The following IMMP2L variants were observed in gnomAD, a reference collection of about 807,000 sequenced individuals.
The protein encoded by IMMP2L is mitochondrial inner membrane protease subunit 2.
A neutral mutation model predicts 19.3 loss-of-function variants in IMMP2L; 18 were observed. That is an observed-to-expected ratio of 0.93 (90% confidence interval 0.64 to 1.38). The LOEUF (loss-of-function observed/expected upper bound fraction) is 1.38. IMMP2L is among the 40% of genes most tolerant of loss of function. IMMP2L has a pLI of 0.00. For synonymous variants in IMMP2L, 76 were observed against 73.0 expected (o/e 1.04, Z -0.21); for missense variants, 233 against 218.2 (o/e 1.07, Z -0.43).
chr7:110,934,556 C>T (rs1815867294), intron 4 of IMMP2L, among the ~76,000 whole-genome samples: 1 of 152,116 alleles, frequency 6.6e-6, no homozygotes, highest in Non-Finnish European at 1.5e-5. Context: ...TAGGTTTTCC[C>T]TCTTCAGATT....
intron 3 of IMMP2L, among the ~76,000 whole-genome samples, chr7:111,444,733 GATA>G (rs1838128196): frequency 6.6e-6 from 1 of 152,014 alleles, no homozygotes; most frequent in East Asian, 1.9e-4. Flanking sequence ...TAACCCTGAT[GATA>G]ATGAATATAC....
At chr7:111,535,112 G>T (rs1216697314) in intron 1 of IMMP2L, among the ~76,000 whole-genome samples, 1 of 152,040 alleles carries the variant, frequency 6.6e-6, no homozygotes, top group African/African-American at 2.4e-5. Flanking sequence ...GGTTTCAAAT[G>T]ATCTGTTCCT....
At chr7:111,276,568 C>A (rs185743831) in intron 3 of IMMP2L, among the ~76,000 whole-genome samples, 133 of 148,596 alleles carry the variant, frequency 9.0e-4, no homozygotes, top group African/African-American at 3.3e-3. Flanking sequence ...GTGATCCCAT[C>A]TGATCCTGGG....
rs1327215007 is a variant in IMMP2L, at chr7:110,870,883, A to G, written c.408+15710T>C. On this transcript the variant is annotated intron_variant, in intron 5 of 5. Coordinates refer to ENST00000405709, the MANE Select transcript of IMMP2L (RefSeq NM_032549.4). This position sits in a 1 kb window ranked among gnomAD's most constrained non-coding sequence, Gnocchi z 4.2. ...CTGAAGTGTTTCATGTAGGCTAGAG[A>G]TCGGGTTTGAGGATAACTGTAAGAT... Among the ~76,000 whole-genome samples the G allele has an allele frequency of 1.3e-5, 2 of 152,132 alleles. No individual in the cohort carries two copies. The highest frequency in any genetic ancestry group is 2.9e-5 in the Non-Finnish European group (2 of 68,012).
At chr7:111,438,101 A>G (rs1222777078) in intron 3 of IMMP2L, among the ~76,000 whole-genome samples, 1 of 151,906 alleles carries the variant, frequency 6.6e-6, no homozygotes, top group Non-Finnish European at 1.5e-5. Flanking sequence ...TATAACAGCA[A>G]AATATTTCTG....
intron 5 of IMMP2L, among the ~76,000 whole-genome samples, chr7:110,771,559 C>T (rs1799036671): frequency 6.6e-6 from 1 of 152,012 alleles, no homozygotes; most frequent in Non-Finnish European, 1.5e-5. Context: ...TATCGGAAAA[C>T]AAGAAAAATA....
chr7:111,316,462 T>C (rs966414242), intron 3 of IMMP2L, among the ~76,000 whole-genome samples: 4 of 152,050 alleles, frequency 2.6e-5, no homozygotes, highest in Non-Finnish European at 5.9e-5. Context: ...GATGAATACA[T>C]AGTTAGGGAG....
At chr7:111,394,122 G>C (rs1222861424) in intron 3 of IMMP2L, among the ~76,000 whole-genome samples, 1 of 151,870 alleles carries the variant, frequency 6.6e-6, no homozygotes, top group African/African-American at 2.4e-5. Context: ...ATATCTTACA[G>C]TCGATAATAT....
At chr7:110,783,849 T>C (rs1011503218) in intron 5 of IMMP2L, among the ~76,000 whole-genome samples, 2 of 151,874 alleles carry the variant, frequency 1.3e-5, no homozygotes, top group Admixed American at 6.6e-5. Context: ...AACAAGTTCA[T>C]TGTAGTGTGG....
At chr7:111,333,713 A>C (rs978668209) in intron 3 of IMMP2L, among the ~76,000 whole-genome samples, 3 of 152,098 alleles carry the variant, frequency 2.0e-5, no homozygotes, top group Non-Finnish European at 4.4e-5. Context: ...AGCAGGCAGA[A>C]CATGAAAAGA....
At chr7:111,384,072 A>G (rs1831468366) in intron 3 of IMMP2L, among the ~76,000 whole-genome samples, 1 of 151,966 alleles carries the variant, frequency 6.6e-6, no homozygotes, top group Non-Finnish European at 1.5e-5. Context: ...TGAGATCAGG[A>G]GTTTGAGGTT....
At chr7:110,735,883 T>C (rs1318152325) in intron 5 of IMMP2L, among the ~76,000 whole-genome samples, 1 of 116,938 alleles carries the variant, frequency 8.6e-6, no homozygotes, top group African/African-American at 3.0e-5. Flanking sequence ...AATGAAATAA[T>C]GACCCCAAAA....
At chr7:110,737,845 C>G (rs1357789736) in intron 5 of IMMP2L, among the ~76,000 whole-genome samples, 1 of 152,204 alleles carries the variant, frequency 6.6e-6, no homozygotes, top group Non-Finnish European at 1.5e-5. Flanking sequence ...GTGCTGGTAT[C>G]CACAGCTGCA....
At chr7:111,237,892 C>T (rs772214985) in intron 3 of IMMP2L, among the ~76,000 whole-genome samples, 1 of 151,936 alleles carries the variant, frequency 6.6e-6, no homozygotes, top group Non-Finnish European at 1.5e-5. Context: ...CTTTCCTGAT[C>T]TGTAAAATGG....
intron 1 of IMMP2L, among the ~76,000 whole-genome samples, chr7:111,536,714 C>T (rs1445736767): frequency 6.6e-6 from 1 of 152,046 alleles, no homozygotes. Context: ...ATAAATTATC[C>T]TTCTACACTA....
At chr7:111,150,592 A>G (rs895027483) in intron 3 of IMMP2L, among the ~76,000 whole-genome samples, 1 of 152,178 alleles carries the variant, frequency 6.6e-6, no homozygotes. Flanking sequence ...AAGGAGAAGC[A>G]AGGTTGAAGT....
intron 1 of IMMP2L, among the ~76,000 whole-genome samples, chr7:111,537,732 C>T (rs962593103): frequency 3.3e-5 from 5 of 151,640 alleles, no homozygotes; most frequent in Non-Finnish European, 7.4e-5. Context: ...GATGGAGTTT[C>T]ATCATGTTTC....
chr7:111,324,956 C>T (rs1363799949), intron 3 of IMMP2L, among the ~76,000 whole-genome samples: 2 of 151,746 alleles, frequency 1.3e-5, no homozygotes, highest in Non-Finnish European at 2.9e-5. Context: ...TCCATAAAAA[C>T]ATTAACTGAA....
chr7:111,166,116 T>C (rs549788038), intron 3 of IMMP2L, among the ~76,000 whole-genome samples: 1 of 152,150 alleles, frequency 6.6e-6, no homozygotes, highest in Admixed American at 6.6e-5. Context: ...ACCCCATGAG[T>C]GAGGTTAATA....
Sources: gnomAD v4.1 joint callset for allele counts (sites outside exome capture counted in the v4.1 genomes callset) on GRCh38, gnomAD v4.1.1 for gene constraint, Gnocchi (gnomAD v3.1) non-coding constraint, MANE v1.5 for transcripts, NCBI Gene and HGNC (gene_info 2026-07-23, HGNC 2026-07-21) for gene names.